Variants in ACBD6 observed in about 807,000 individuals in gnomAD.
ACBD6 encodes acyl-CoA binding domain containing 6.
ACBD6 carries 28 observed loss-of-function variants against 37.2 expected under a neutral mutation model. The ratio of observed to expected loss-of-function variants is 0.75; its 90% CI spans 0.56 to 1.03. The LOEUF is 1.03. Ranked by LOEUF, ACBD6 falls within the 50% of genes least tolerant of loss-of-function variation. The pLI, the probability that ACBD6 is intolerant of heterozygous loss-of-function variation, is 0.00. For missense variants in ACBD6, 340 were observed against 337.4 expected (o/e 1.01, Z -0.06); for synonymous variants, 113 against 126.8 (o/e 0.89, Z 0.73).
intron 6 of ACBD6, among the ~76,000 whole-genome samples, chr1:180,364,602 G>T (rs1239811877): frequency 3.3e-5 from 5 of 152,200 alleles, no homozygotes; most frequent in Admixed American, 1.3e-4. Context: ...TTCTGAAACA[G>T]AATAGGCTAT....
At chr1:180,385,553 A>G (rs1021828723) in intron 6 of ACBD6, among the ~76,000 whole-genome samples, 1 of 151,814 alleles carries the variant, frequency 6.6e-6, no homozygotes, top group Non-Finnish European at 1.5e-5. Flanking sequence ...AGGGCCTTTA[A>G]AGAGCTAATT....
intron 3 of ACBD6, among the ~76,000 whole-genome samples, chr1:180,452,378 G>A (rs1299719441): frequency 6.6e-6 from 1 of 152,056 alleles, no homozygotes; most frequent in African/African-American, 2.4e-5. Context: ...GCTGAGGCAG[G>A]AGAATCACTT....
intron 3 of ACBD6, among the ~76,000 whole-genome samples, chr1:180,486,918 A>C (rs967214299): frequency 6.6e-6 from 1 of 152,156 alleles, no homozygotes; most frequent in East Asian, 1.9e-4. Context: ...GAAAATGTAT[A>C]ATCTAAATCT....
intron 4 of ACBD6, among the ~76,000 whole-genome samples, chr1:180,423,573 A>G (rs1419989345): frequency 1.3e-5 from 2 of 152,144 alleles, no homozygotes; most frequent in African/African-American, 4.8e-5. Context: ...ATTTTTATGT[A>G]TTTTTCTCAC....
chr1:180,499,075 G>A (rs1038653771), intron 1 of ACBD6, among the ~76,000 whole-genome samples: 8 of 152,094 alleles, frequency 5.3e-5, no homozygotes, highest in African/African-American at 1.7e-4. Flanking sequence ...GACTAATAAA[G>A]CTATGATGCT....
At chr1:180,340,225 G>T (rs1651926240) in intron 6 of ACBD6, among the ~76,000 whole-genome samples, 1 of 152,152 alleles carries the variant, frequency 6.6e-6, no homozygotes, top group African/African-American at 2.4e-5. Context: ...TTCAGTGAGA[G>T]ACCACTGAAG....
intron 7 of ACBD6, among the ~76,000 whole-genome samples, chr1:180,292,494 C>T (rs1486920368): frequency 6.6e-6 from 1 of 152,066 alleles, no homozygotes; most frequent in Non-Finnish European, 1.5e-5. Flanking sequence ...GATTTGTATA[C>T]TATCCCTGGT....
At chr1:180,456,513 T>C (rs1194913034) in intron 3 of ACBD6, among the ~76,000 whole-genome samples, 3 of 152,136 alleles carry the variant, frequency 2.0e-5, no homozygotes, top group Admixed American at 6.6e-5. Context: ...TAGGTTGCCA[T>C]TGGTCAAGGA....
intron 3 of ACBD6, among the ~76,000 whole-genome samples, chr1:180,484,846 A>G (rs1651197022): frequency 6.6e-6 from 1 of 151,962 alleles, no homozygotes; most frequent in African/African-American, 2.4e-5. Context: ...CGGGTGGATC[A>G]TGAGGTCAGG....
chr1:180,410,597 T>A (rs1308061213), intron 5 of ACBD6, among the ~76,000 whole-genome samples: 2 of 152,176 alleles, frequency 1.3e-5, no homozygotes, highest in Non-Finnish European at 2.9e-5. Flanking sequence ...GATGACAGTA[T>A]ATCTGTTTAC....
At chr1:180,435,395 C>T (rs911719243) in intron 3 of ACBD6, 6 of 407,826 alleles carry the variant, frequency 1.5e-5, no homozygotes, top group Admixed American at 3.7e-5. Flanking sequence ...ACTACAGGCG[C>T]CCGCCACCAC....
chr1:180,393,370 A>C (rs974432781), intron 6 of ACBD6, among the ~76,000 whole-genome samples: 1 of 152,224 alleles, frequency 6.6e-6, no homozygotes, highest in Non-Finnish European at 1.5e-5. Flanking sequence ...CACAGAGTAG[A>C]CTTTGACATA....
chr1:180,306,109 GA>G (rs1304222938), intron 7 of ACBD6, among the ~76,000 whole-genome samples: 11 of 111,068 alleles, frequency 9.9e-5, no homozygotes, highest in Admixed American at 2.3e-4. Flanking sequence ...GGGGTGGGGG[GA>G]GGGGGGAGGG....
intron 6 of ACBD6, among the ~76,000 whole-genome samples, chr1:180,370,550 C>T (rs889729160): frequency 6.6e-6 from 1 of 152,062 alleles, no homozygotes; most frequent in African/African-American, 2.4e-5. Context: ...AAATATAATA[C>T]AGTAACATTA....
intron 6 of ACBD6, among the ~76,000 whole-genome samples, chr1:180,352,237 ATG>A (rs1271822305): frequency 6.6e-6 from 1 of 152,134 alleles, no homozygotes; most frequent in Non-Finnish European, 1.5e-5. Context: ...TTGCACAACA[ATG>A]TGAATGGATG....
chr1:180,410,475 T>C (rs906052850), intron 5 of ACBD6, among the ~76,000 whole-genome samples: 4 of 152,208 alleles, frequency 2.6e-5, no homozygotes, highest in African/African-American at 9.6e-5. Context: ...AATGCAGCCA[T>C]TGACTTTAAG....
chr1:180,435,072 C>T (rs1254415067), intron 3 of ACBD6: 1 of 807,428 alleles, frequency 1.2e-6, no homozygotes, highest in East Asian at 2.4e-5. Flanking sequence ...TGCACATGAT[C>T]TGAAGCTTAC....
chr1:180,447,049 A>G (rs1649502406), intron 3 of ACBD6, among the ~76,000 whole-genome samples: 1 of 152,148 alleles, frequency 6.6e-6, no homozygotes, highest in South Asian at 2.1e-4. Flanking sequence ...CAAAACAAAC[A>G]AACAAAAAAA....
At chr1:180,339,422 A>G (rs1272662189) in intron 6 of ACBD6, among the ~76,000 whole-genome samples, 1 of 152,228 alleles carries the variant, frequency 6.6e-6, no homozygotes, top group African/African-American at 2.4e-5. Flanking sequence ...TCAGCAAACT[A>G]TTGCAAGGAC....
Sources: allele counts gnomAD v4.1 joint callset (sites outside exome capture counted in the v4.1 genomes callset), GRCh38; gene constraint gnomAD v4.1.1; transcripts MANE v1.5; gene names NCBI Gene and HGNC (gene_info 2026-07-23, HGNC 2026-07-21).